The following PRKAR1B variants were observed in gnomAD, a reference collection of about 807,000 sequenced individuals.
PRKAR1B encodes cAMP-dependent protein kinase type I-beta regulatory subunit.
A neutral mutation model predicts 46.5 loss-of-function variants in PRKAR1B; 22 were observed. The ratio of observed to expected loss-of-function variants is 0.47; its 90% CI spans 0.34 to 0.68. PRKAR1B has a LOEUF of 0.68. Among genes scored for constraint, PRKAR1B ranks in the 30% least tolerant of loss-of-function variants. PRKAR1B has a pLI of 0.01. For synonymous variants in PRKAR1B, 259 were observed against 217.7 expected (o/e 1.19, Z -1.67); for missense variants, 445 against 535.6 (o/e 0.83, Z 1.67).
At chr7:606,975 ATATG>A (rs1461199878) in intron 5 of PRKAR1B, among the ~76,000 whole-genome samples, 1 of 152,064 alleles carries the variant, frequency 6.6e-6, no homozygotes, top group Non-Finnish European at 1.5e-5. Flanking sequence ...TATGCATATT[ATATG>A]TGTGTATGTA....
At chr7:684,014 C>T (rs1778857395) in intron 2 of PRKAR1B, among the ~76,000 whole-genome samples, 1 of 151,926 alleles carries the variant, frequency 6.6e-6, no homozygotes, top group African/African-American at 2.4e-5. Context: ...CCTACCTCCA[C>T]ATGCACCAAT....
intron 7 of PRKAR1B, among the ~76,000 whole-genome samples, chr7:592,856 G>A (rs963756969): frequency 3.3e-5 from 5 of 152,096 alleles, no homozygotes; most frequent in Non-Finnish European, 7.4e-5. Flanking sequence ...GGCATAGTGA[G>A]ACCAGGTCTC....
chr7:556,581 C>T (rs111426178), intron 9 of PRKAR1B, among the ~76,000 whole-genome samples: 1,840 of 152,322 alleles, frequency 0.012, 40 homozygotes, highest in African/African-American at 0.042. Context: ...GCAGGGGCCC[C>T]ACCCGTGAGG....
intron 1 of PRKAR1B, among the ~76,000 whole-genome samples, chr7:717,062 A>G (rs966798901): frequency 6.6e-6 from 1 of 152,202 alleles, no homozygotes; most frequent in Non-Finnish European, 1.5e-5. Context: ...AGGCCAAGGC[A>G]GGCAGATCAC....
At chr7:665,842 G>A (rs34923550) in intron 4 of PRKAR1B, among the ~76,000 whole-genome samples, 13,690 of 152,240 alleles carry the variant, frequency 0.09, 1,698 homozygotes, top group African/African-American at 0.28. Context: ...ATCCGAGCCA[G>A]TTTGTGGAAA....
At chr7:607,543 G>A (rs546009306) in intron 4 of PRKAR1B, 91 bp from the exon 5 acceptor site, 26 of 1,107,042 alleles carry the variant, frequency 2.3e-5, no homozygotes, top group South Asian at 3.9e-5. Flanking sequence ...TGTGTAAATC[G>A]CTTCACAGTC....
intron 1 of PRKAR1B, chr7:726,968 G>T: frequency 7.6e-7 from 1 of 1,311,916 alleles, no homozygotes; most frequent in Non-Finnish European, 9.7e-7. Context: ...CGCTTGCTGC[G>T]CTGCCTGAGC....
intron 4 of PRKAR1B, among the ~76,000 whole-genome samples, chr7:660,259 C>T (rs938630080): frequency 1.3e-5 from 2 of 152,014 alleles, no homozygotes; most frequent in South Asian, 2.1e-4. Flanking sequence ...ATGGGCCCAC[C>T]GAGTTCCCGT....
In PRKAR1B at chr7:597,723, C is replaced by T. The variant is rs554467032; in HGVS notation, c.550-1419G>A. 4.6e-4 allele frequency among the ~76,000 whole-genome samples: 70 copies of T among 152,248 alleles called. 1 individual carries two copies. The highest frequency in any genetic ancestry group is 3.4e-3 in the Middle Eastern group (1 of 294). Reference sequence around the variant, plus strand: ...GCTAGGGGAGGACTGGCGATGAAGCCGGGGGAAGGGCCTGCGATGGCCGGG... The same window carrying T: ...GCTAGGGGAGGACTGGCGATGAAGCTGGGGGAAGGGCCTGCGATGGCCGGG... On this transcript the variant is annotated intron_variant, in intron 6 of 10. Coordinates refer to ENST00000537384, the MANE Select transcript of PRKAR1B (RefSeq NM_001164760.2).
At chr7:668,229 G>A (rs1013921247) in intron 4 of PRKAR1B, among the ~76,000 whole-genome samples, 24 of 152,218 alleles carry the variant, frequency 1.6e-4, no homozygotes, top group Non-Finnish European at 2.6e-4. Context: ...TGTGCCAGAC[G>A]CCCTGTAAAC....
chr7:685,298 A>ACGTATATATACG (rs1263590458), intron 2 of PRKAR1B, among the ~76,000 whole-genome samples: 2 of 14,812 alleles, frequency 1.4e-4, no homozygotes, highest in East Asian at 3.7e-3. Flanking sequence ...ATGTATACAT[A>ACGTATATATACG]TATATATACG....
chr7:641,096 G>A (rs1394455295), intron 4 of PRKAR1B, among the ~76,000 whole-genome samples: 2 of 152,036 alleles, frequency 1.3e-5, no homozygotes, highest in Non-Finnish European at 2.9e-5. Flanking sequence ...GGGACTACAG[G>A]TGCCCGCCAC....
intron 2 of PRKAR1B, among the ~76,000 whole-genome samples, chr7:706,755 T>C (rs1234698574): frequency 6.6e-6 from 1 of 152,080 alleles, no homozygotes; most frequent in Non-Finnish European, 1.5e-5. Context: ...TGCTTAAGTC[T>C]CCACCACAGA....
intron 9 of PRKAR1B, among the ~76,000 whole-genome samples, chr7:554,875 G>A (rs554596392): frequency 3.3e-5 from 5 of 152,196 alleles, no homozygotes; most frequent in Non-Finnish European, 7.3e-5. Flanking sequence ...AGATAGGGGA[G>A]GGCTCCCAGG....
chr7:574,818 T>C (rs1171850068), intron 9 of PRKAR1B, among the ~76,000 whole-genome samples: 1 of 152,236 alleles, frequency 6.6e-6, no homozygotes, highest in Non-Finnish European at 1.5e-5. Context: ...AAAAAAACAC[T>C]GCACAGGCCA....
At chr7:630,787 G>A (rs1274091138) in intron 4 of PRKAR1B, among the ~76,000 whole-genome samples, 1 of 151,982 alleles carries the variant, frequency 6.6e-6, no homozygotes, top group African/African-American at 2.4e-5. Flanking sequence ...GCCCAGTCAG[G>A]TGCAGGGATG....
At chr7:576,066 C>CTGGG (rs1779805496) in intron 9 of PRKAR1B, among the ~76,000 whole-genome samples, 5 of 150,402 alleles carry the variant, frequency 3.3e-5, no homozygotes, top group Non-Finnish European at 7.4e-5. Context: ...TGCACACAGG[C>CTGGG]ATCCTCTCCT....
At chr7:611,217 C>A (rs1294363866) in intron 4 of PRKAR1B, among the ~76,000 whole-genome samples, 1 of 152,250 alleles carries the variant, frequency 6.6e-6, no homozygotes, top group Admixed American at 6.5e-5. Flanking sequence ...CCTATAGGGG[C>A]AGAGCCCTCC....
intron 9 of PRKAR1B, among the ~76,000 whole-genome samples, chr7:563,559 C>G (rs1562521246): frequency 6.6e-6 from 1 of 152,060 alleles, no homozygotes. Flanking sequence ...CATGTGTGCA[C>G]GTGTGAGTGC....
Sources: gnomAD v4.1 joint callset for allele counts (sites outside exome capture counted in the v4.1 genomes callset) on GRCh38, gnomAD v4.1.1 for gene constraint, MANE v1.5 for transcripts, NCBI Gene and HGNC (gene_info 2026-07-23, HGNC 2026-07-21) for gene names.